SCARA5: variants seen among roughly 807,000 people sequenced by gnomAD.
The protein encoded by SCARA5 is scavenger receptor class A, member 5 (putative).
In SCARA5, 45 loss-of-function variants were observed where a neutral mutation model predicts 46.3. The observed-to-expected ratio is 0.97, with a 90% confidence interval of 0.76 to 1.24. The LOEUF (loss-of-function observed/expected upper bound fraction) is 1.24, where lower values mean the gene tolerates loss of function less well. Among genes scored for constraint, SCARA5 ranks in the 50% most tolerant of loss-of-function variants. SCARA5 has a pLI of 0.00. For synonymous variants in SCARA5, 333 were observed against 306.5 expected (o/e 1.09, Z -0.90); for missense variants, 680 against 689.0 (o/e 0.99, Z 0.15).
At chr8:27,942,933 G>C (rs1473563953) in intron 3 of SCARA5, among the ~76,000 whole-genome samples, 5 of 152,132 alleles carry the variant, frequency 3.3e-5, no homozygotes, top group African/African-American at 1.2e-4. Context: ...CACCTCCTCT[G>C]CACCTCACCA....
intron 4 of SCARA5, among the ~76,000 whole-genome samples, chr8:27,918,821 GATA>G: frequency 7.6e-6 from 1 of 131,548 alleles, no homozygotes; most frequent in African/African-American, 2.9e-5. Context: ...GAAGGAAAAG[GATA>G]AGGAAGAAAG....
chr8:27,979,025 C>T (rs1197516685), intron 2 of SCARA5, among the ~76,000 whole-genome samples: 1 of 152,218 alleles, frequency 6.6e-6, no homozygotes, highest in Non-Finnish European at 1.5e-5. Flanking sequence ...AACTCTAACC[C>T]TGGTCAGGTC....
At chr8:27,929,846 G>A (rs1807741340) in intron 3 of SCARA5, among the ~76,000 whole-genome samples, 1 of 152,112 alleles carries the variant, frequency 6.6e-6, no homozygotes, top group Non-Finnish European at 1.5e-5. Flanking sequence ...GAATTGTTAT[G>A]CCCATTTTCA....
At position 27,907,182 on chromosome 8, in the gene SCARA5, C is replaced by T; in HGVS notation, c.1062G>A (p.Gly354=). Residue 354 remains glycine, a synonymous_variant, in exon 6 of 9, where the codon GGG becomes GGA. Coordinates refer to ENST00000354914, the MANE Select transcript of SCARA5 (RefSeq NM_173833.6). The part of the protein sequence containing the change: ...PGPKGDDGKL[G]ATGPMGMRGF... ...CACGCATGCCCATTGGTCCTGTGGCCCCCAGCTTCCCATCATCGCCCTTGG... is the reference window on the plus strand; with the variant it reads ...CACGCATGCCCATTGGTCCTGTGGCTCCCAGCTTCCCATCATCGCCCTTGG... The T allele has an allele frequency of 6.2e-7, 1 of 1,613,666 alleles. No individual in the cohort carries two copies. Among genetic ancestry groups the T allele is most frequent in the Non-Finnish European group, 8.5e-7 (1 of 1,179,828 alleles).
intron 4 of SCARA5, among the ~76,000 whole-genome samples, chr8:27,918,468 G>T (rs962787688): frequency 6.6e-6 from 1 of 151,490 alleles, no homozygotes; most frequent in Admixed American, 6.6e-5. Context: ...GGTTGGGGGG[G>T]GTTCAGTAGG....
At chr8:27,967,451 G>C (rs1222118347) in intron 2 of SCARA5, among the ~76,000 whole-genome samples, 3 of 152,004 alleles carry the variant, frequency 2.0e-5, no homozygotes, top group Non-Finnish European at 2.9e-5. Context: ...CTGTTGACTG[G>C]AAGTGGAAAG....
intron 3 of SCARA5, among the ~76,000 whole-genome samples, chr8:27,961,571 C>T (rs564627506): frequency 6.6e-6 from 1 of 152,290 alleles, no homozygotes; most frequent in South Asian, 2.1e-4. Context: ...TGATTTCCCC[C>T]GTTTTCAGAG....
intron 7 of SCARA5, among the ~76,000 whole-genome samples, chr8:27,894,958 C>G (rs1372942617): frequency 6.6e-6 from 1 of 152,120 alleles, no homozygotes; most frequent in African/African-American, 2.4e-5. Flanking sequence ...GAGCTGGTCA[C>G]TAAATACCCC....
At chr8:27,966,333 T>G in intron 3 of SCARA5, 81 bp downstream of exon 3, 1 of 1,418,024 alleles carries the variant, frequency 7.1e-7, no homozygotes, top group Non-Finnish European at 9.6e-7. Flanking sequence ...TTTGGGCTCA[T>G]GACAGTGGGA....
chr8:27,877,241 C>G (rs1806739904), intron 8 of SCARA5, among the ~76,000 whole-genome samples: 1 of 152,174 alleles, frequency 6.6e-6, no homozygotes, highest in Non-Finnish European at 1.5e-5. Flanking sequence ...GACACCTGGC[C>G]TGCAACCAGC....
chr8:27,980,214 G>A (rs541075395), intron 2 of SCARA5, among the ~76,000 whole-genome samples: 15 of 152,284 alleles, frequency 9.9e-5, no homozygotes, highest in African/African-American at 3.6e-4. Flanking sequence ...TGAAGATGAA[G>A]AAATGAATGA....
chr8:27,976,757 G>T (rs781645625), intron 2 of SCARA5, among the ~76,000 whole-genome samples: 1 of 152,136 alleles, frequency 6.6e-6, no homozygotes, highest in Admixed American at 6.5e-5. Flanking sequence ...TGCTACTTAC[G>T]CACGAAAAAC....
rs559361582 is a variant in SCARA5 at position 27,903,805 on chromosome 8, G to C, written c.1153+973C>G. The C allele has an allele frequency of 7.4e-4, 113 of 151,938 alleles. 2 individuals carry two copies. Among genetic ancestry groups the C allele is most frequent in the African/African-American group, 2.5e-3 (104 of 41,408 alleles). The allele number at this position is 151,938 out of a possible 1,614,324, so 9.4% of individuals were successfully genotyped here. ...TGGCCCCTGTCCCTGAGTGTCCGGGGGGAAGCTATTAACACAGGGACTCTT... is the reference window on the plus strand; with the variant it reads ...TGGCCCCTGTCCCTGAGTGTCCGGGCGGAAGCTATTAACACAGGGACTCTT... On this transcript the variant is annotated intron_variant, in intron 7 of 8. Transcript: ENST00000354914.
At chr8:27,929,624 C>A (rs975824935) in intron 3 of SCARA5, among the ~76,000 whole-genome samples, 1 of 152,094 alleles carries the variant, frequency 6.6e-6, no homozygotes, top group Non-Finnish European at 1.5e-5. Context: ...CAGGAGATTG[C>A]CTGAAGAATG....
chr8:27,973,867 C>G (rs982897217), intron 2 of SCARA5, among the ~76,000 whole-genome samples: 4 of 152,084 alleles, frequency 2.6e-5, no homozygotes, highest in African/African-American at 9.7e-5. Context: ...TAGGACACAT[C>G]GAAAATGGGG....
Position 27,907,143 on chromosome 8 carries a change from A to G in SCARA5, c.1096+5T>C, listed in dbSNP as rs1807276056. On this transcript the variant is annotated splice_donor_5th_base_variant and intron_variant, in intron 6 of 8. Coordinates refer to ENST00000354914, the MANE Select transcript of SCARA5 (RefSeq NM_173833.6). ...AGGCTCAGGGAGAACTGAGATTGTT[A>G]TTACCTTTGAACCCACGCATGCCCA... 6.2e-7 allele frequency: 1 copy of G among 1,607,284 alleles called. No homozygotes were observed. Among genetic ancestry groups the G allele is most frequent in the African/African-American group, 1.3e-5 (1 of 74,734 alleles).
chr8:27,975,196 C>A (rs1203817193), intron 2 of SCARA5, among the ~76,000 whole-genome samples: 1 of 152,192 alleles, frequency 6.6e-6, no homozygotes, highest in African/African-American at 2.4e-5. Context: ...CCCAAAAGGA[C>A]TGGGTTTGGA....
chr8:27,913,382 A>C (rs1807410268), intron 4 of SCARA5, among the ~76,000 whole-genome samples: 1 of 152,172 alleles, frequency 6.6e-6, no homozygotes, highest in Admixed American at 6.5e-5. Flanking sequence ...GTGATCTTTA[A>C]ATCACTGATG....
rs772362674 is a variant in SCARA5 at position 27,922,265 on chromosome 8, G to GA, written c.242-21dup. On this transcript the variant is annotated intron_variant, in intron 3 of 8. Coordinates refer to ENST00000354914, the MANE Select transcript of SCARA5 (RefSeq NM_173833.6). ...TGGACACTGCGGAGGAGGAAGAGGG[G>GA]AGACTTGAGCACCGCTGGGGAGGAA... 2 of 1,499,236 alleles carry GA rather than the reference G, an allele frequency of 1.3e-6. No homozygotes were observed. Among genetic ancestry groups the GA allele is most frequent in the Admixed American group, 2.2e-5 (1 of 44,614 alleles). The allele number at this position is 1,499,236 out of a possible 1,614,324, so 92.9% of individuals were successfully genotyped here.
Sources: allele counts gnomAD v4.1 joint callset (sites outside exome capture counted in the v4.1 genomes callset), GRCh38; gene constraint gnomAD v4.1.1; transcripts MANE v1.5; gene names NCBI Gene and HGNC (gene_info 2026-07-23, HGNC 2026-07-21).